Variants in RUNX1T1 observed in about 807,000 individuals in gnomAD.
The protein encoded by RUNX1T1 is protein CBFA2T1.
A neutral mutation model predicts 62.8 loss-of-function variants in RUNX1T1; 4 were observed. That is an observed-to-expected ratio of 0.06 (90% confidence interval 0.03 to 0.15). RUNX1T1 has a LOEUF of 0.15. RUNX1T1 is among the 10% of genes least tolerant of loss of function. The pLI is 1.00. For missense variants in RUNX1T1, 508 were observed against 754.3 expected (o/e 0.67, Z 3.82); for synonymous variants, 291 against 286.0 (o/e 1.02, Z -0.18).
intron 1 of RUNX1T1, among the ~76,000 whole-genome samples, chr8:92,030,092 C>T (rs1158432777): frequency 6.6e-6 from 1 of 152,092 alleles, no homozygotes; most frequent in African/African-American, 2.4e-5. Flanking sequence ...TTGGTTTAAT[C>T]AGCTGCAAAC....
upstream of RUNX1T1, among the ~76,000 whole-genome samples, chr8:92,065,055 T>G (rs1363267122): frequency 6.6e-6 from 1 of 152,182 alleles, no homozygotes; most frequent in Non-Finnish European, 1.5e-5. Context: ...TTTCCTCCTC[T>G]TATTCTTTAA....
At chr8:91,978,722 T>C (rs79295596) in intron 8 of RUNX1T1, among the ~76,000 whole-genome samples, 1,710 of 152,316 alleles carry the variant, frequency 0.011, 22 homozygotes, top group African/African-American at 0.039. Flanking sequence ...CACCCATGAA[T>C]GTTTATAACA....
At chr8:92,085,939 G>A (rs965745185) in intron 1 of RUNX1T1, among the ~76,000 whole-genome samples, 1 of 152,126 alleles carries the variant, frequency 6.6e-6, no homozygotes, top group Non-Finnish European at 1.5e-5. Flanking sequence ...ATAGTATTTA[G>A]TTTACTATCT....
chr8:91,965,316 G>A (rs1009107656), intron 10 of RUNX1T1, among the ~76,000 whole-genome samples: 3 of 152,056 alleles, frequency 2.0e-5, no homozygotes, highest in Non-Finnish European at 4.4e-5. Flanking sequence ...TTACTTCCCC[G>A]TTCTTCCTTA....
chr8:92,041,200 C>G (rs192753790), intron 1 of RUNX1T1, among the ~76,000 whole-genome samples: 8 of 151,652 alleles, frequency 5.3e-5, no homozygotes, highest in African/African-American at 1.9e-4. Context: ...GTCCATTGTC[C>G]CACAGCAAAT....
At chr8:91,956,059 G>A (rs1586655096), downstream of RUNX1T1, 1 of 229,804 alleles carries the variant, frequency 4.4e-6, no homozygotes, top group Non-Finnish European at 8.6e-6. Context: ...ATTCGGGTAT[G>A]CACAAGGCAG....
intron 1 of RUNX1T1, among the ~76,000 whole-genome samples, chr8:92,094,013 T>G (rs913449119): frequency 2.0e-5 from 3 of 152,198 alleles, no homozygotes; most frequent in Admixed American, 6.5e-5. Flanking sequence ...TCTGTCTGGG[T>G]GATAAGGTAA....
chr8:91,955,535 T>C (rs1469727566), downstream of RUNX1T1: 3 of 225,848 alleles, frequency 1.3e-5, no homozygotes, highest in Non-Finnish European at 2.6e-5. Context: ...TTGGAAAAGC[T>C]ACATTTCCCA....
chr8:91,982,556 A>G (rs1815566874), intron 8 of RUNX1T1, among the ~76,000 whole-genome samples: 1 of 152,226 alleles, frequency 6.6e-6, no homozygotes, highest in African/African-American at 2.4e-5. Flanking sequence ...TTCAATGGTC[A>G]AATCTGTCAA....
chr8:92,001,673 A>G (rs890195976), intron 5 of RUNX1T1, among the ~76,000 whole-genome samples: 5 of 152,224 alleles, frequency 3.3e-5, no homozygotes, highest in African/African-American at 7.2e-5. Flanking sequence ...TGTTACCCAC[A>G]CAAAAGCAAA....
intron 1 of RUNX1T1, 31 bp from the exon 3 acceptor site, chr8:92,017,394 T>A: frequency 6.2e-7 from 1 of 1,614,070 alleles, no homozygotes; most frequent in South Asian, 1.1e-5. Context: ...CATATTATTT[T>A]ACTCCTTAAG....
intron 6 of RUNX1T1, among the ~76,000 whole-genome samples, chr8:91,990,524 A>G (rs563826740): frequency 6.6e-6 from 1 of 152,316 alleles, no homozygotes; most frequent in Admixed American, 6.5e-5. Context: ...CTGATACACT[A>G]TCATCTCCAC....
At chr8:92,100,498 G>T (rs1023078083), upstream of RUNX1T1, among the ~76,000 whole-genome samples, 1 of 152,198 alleles carries the variant, frequency 6.6e-6, no homozygotes, top group African/African-American at 2.4e-5. Context: ...GTATAAGACT[G>T]ATTGGTTGTT....
intron 8 of RUNX1T1, 116 bp downstream of exon 9, chr8:91,986,008 T>C: frequency 2.5e-6 from 2 of 789,000 alleles, no homozygotes; most frequent in Admixed American, 3.9e-5. Context: ...GATATGTAAA[T>C]TGTTTATTGT....
intron 1 of RUNX1T1, among the ~76,000 whole-genome samples, chr8:92,083,879 G>T (rs1348286641): frequency 1.3e-5 from 2 of 152,150 alleles, no homozygotes; most frequent in African/African-American, 4.8e-5. Context: ...ACCGGATAAA[G>T]AAAATGTGGC....
intron 1 of RUNX1T1, among the ~76,000 whole-genome samples, chr8:92,054,710 T>C (rs1243373568): frequency 1.3e-5 from 2 of 152,134 alleles, no homozygotes; most frequent in Non-Finnish European, 2.9e-5. Context: ...ATAAAATACA[T>C]TCAGCACAGG....
intron 1 of RUNX1T1, among the ~76,000 whole-genome samples, chr8:92,033,056 C>A (rs986515908): frequency 5.3e-5 from 8 of 151,946 alleles, no homozygotes; most frequent in Admixed American, 3.3e-4. Context: ...TCCTGTAGGA[C>A]AATTAGGCAA....
chr8:91,976,156 G>T, intron 8 of RUNX1T1, 183 bp from the exon 10 acceptor site: 1 of 546,234 alleles, frequency 1.8e-6, no homozygotes, highest in Admixed American at 3.4e-5. Flanking sequence ...TGTCATCAGA[G>T]CCCAAGGAAA....
exon 10 of RUNX1T1, chr8:91,970,689 G>A (rs1051620922): frequency 2.5e-6 from 4 of 1,611,502 alleles, no homozygotes; most frequent in Non-Finnish European, 3.4e-6. Flanking sequence ...ATTGATAACT[G>A]CCAGTGCGTC....
Sources: allele counts gnomAD v4.1 joint callset (sites outside exome capture counted in the v4.1 genomes callset), GRCh38; gene constraint gnomAD v4.1.1; transcripts MANE v1.5; gene names NCBI Gene and HGNC (gene_info 2026-07-23, HGNC 2026-07-21).